The following ATL2 variants were observed in gnomAD, a reference collection of about 807,000 sequenced individuals.
ATL2 encodes atlastin-2.
In ATL2, 31 loss-of-function variants were observed where a neutral mutation model predicts 73.9. That is an observed-to-expected ratio of 0.42 (90% confidence interval 0.32 to 0.57). The LOEUF is 0.57. ATL2 is among the 20% of genes least tolerant of loss of function. ATL2 has a pLI of 0.14. For missense variants in ATL2, 738 were observed against 702.6 expected (o/e 1.05, Z -0.57); for synonymous variants, 291 against 237.5 (o/e 1.23, Z -2.07).
chr2:38,356,774 C>T (rs1670693495), intron 1 of ATL2, among the ~76,000 whole-genome samples: 1 of 152,036 alleles, frequency 6.6e-6, no homozygotes, highest in Non-Finnish European at 1.5e-5. Context: ...TCAGTCACAC[C>T]ATTCAAACTG....
chr2:38,300,779 T>C (rs551007894), intron 9 of ATL2, among the ~76,000 whole-genome samples: 11 of 151,800 alleles, frequency 7.2e-5, no homozygotes, highest in Admixed American at 2.0e-4. Flanking sequence ...GTTTTCCAAG[T>C]GGCTGAAACT....
intron 1 of ATL2, among the ~76,000 whole-genome samples, chr2:38,365,377 G>A (rs1369715470): frequency 6.6e-6 from 1 of 151,670 alleles, no homozygotes; most frequent in African/African-American, 2.4e-5. Flanking sequence ...AGAGAAGGCC[G>A]GGCACAGTGG....
chr2:38,365,507 T>C (rs928452505), intron 1 of ATL2, among the ~76,000 whole-genome samples: 22 of 151,632 alleles, frequency 1.5e-4, no homozygotes, highest in Admixed American at 4.6e-4. Flanking sequence ...ATACAAAAAA[T>C]TGGCCAGGAG....
At chr2:38,339,825 G>A (rs939483157) in intron 2 of ATL2, among the ~76,000 whole-genome samples, 64 of 152,082 alleles carry the variant, frequency 4.2e-4, no homozygotes, top group African/African-American at 1.5e-3. Flanking sequence ...CAAGTAACTG[G>A]GATTACAGGT....
At chr2:38,311,274 T>C (rs1476374589) in intron 7 of ATL2, among the ~76,000 whole-genome samples, 1 of 152,142 alleles carries the variant, frequency 6.6e-6, no homozygotes, top group Non-Finnish European at 1.5e-5. Context: ...TGATTTATGC[T>C]AGTTACCAGA....
At chr2:38,297,961 A>C in intron 12 of ATL2, 183 bp downstream of exon 12, 1 of 623,238 alleles carries the variant, frequency 1.6e-6, no homozygotes, top group Non-Finnish European at 2.7e-6. Context: ...ACCAAAGTAC[A>C]TTAAAATTAT....
At chr2:38,325,177 T>C (rs930218505) in intron 2 of ATL2, among the ~76,000 whole-genome samples, 3 of 152,322 alleles carry the variant, frequency 2.0e-5, no homozygotes, top group Non-Finnish European at 4.4e-5. Flanking sequence ...AGCTTTCTCA[T>C]GTAAAAAGTT....
intron 2 of ATL2, among the ~76,000 whole-genome samples, chr2:38,340,709 T>C (rs1199207101): frequency 6.6e-6 from 1 of 152,182 alleles, no homozygotes; most frequent in Non-Finnish European, 1.5e-5. Flanking sequence ...CCTTCTTTAC[T>C]TTCATCTCAT....
At chr2:38,297,043 T>A (rs187146943) in intron 12 of ATL2, among the ~76,000 whole-genome samples, 1 of 152,330 alleles carries the variant, frequency 6.6e-6, no homozygotes, top group African/African-American at 2.4e-5. Context: ...AAACATCAAG[T>A]AGTGAGATTG....
At chr2:38,377,393 G>GTATC, upstream of ATL2, 1 of 703,048 alleles carries the variant, frequency 1.4e-6, no homozygotes, top group South Asian at 1.9e-5. Flanking sequence ...CCCTCCGCCT[G>GTATC]TATCTCCTCG....
At chr2:38,376,408 G>C in intron 1 of ATL2, 1 of 432,516 alleles carries the variant, frequency 2.3e-6, no homozygotes, top group South Asian at 6.8e-5. Context: ...GACACTTTCA[G>C]AGTGATCAGG....
chr2:38,355,089 C>T (rs1211781753), intron 1 of ATL2, among the ~76,000 whole-genome samples: 1 of 151,224 alleles, frequency 6.6e-6, no homozygotes, highest in Non-Finnish European at 1.5e-5. Context: ...AACGCAGAGA[C>T]TGCCAGACTG....
intron 1 of ATL2, among the ~76,000 whole-genome samples, chr2:38,352,170 A>C (rs904027643): frequency 6.9e-4 from 103 of 149,902 alleles, no homozygotes; most frequent in Non-Finnish European, 8.6e-4. Context: ...ACCACCATAA[A>C]ATCAAGTGGG....
chr2:38,338,430 C>CT (rs1669500923), intron 2 of ATL2, among the ~76,000 whole-genome samples: 1 of 152,128 alleles, frequency 6.6e-6, no homozygotes, highest in South Asian at 2.1e-4. Context: ...AACAAACCTG[C>CT]ACATATAGCC....
At position 38,377,178 on chromosome 2, in the gene ATL2, G is replaced by C; in HGVS notation, c.83C>G (p.Ala28Gly). ...WRRRRTSDPS[A>G]AVNHVSSTTS... ...CGTGGACGAGACGTGGTTAACCGCG[G>C]CGCTTGGGTCGCTGGTCCGTCGCCG... is the stretch of plus-strand genomic sequence containing the variant. The change falls in exon 1 of 13, where the codon GCC becomes GGC. Residue 28 changes from alanine (A) to glycine (G), a missense_variant. Coordinates refer to ENST00000378954, the MANE Select transcript of ATL2 (RefSeq NM_001135673.4). 1 of 1,610,882 alleles carries C rather than the reference G, an allele frequency of 6.2e-7. No homozygotes were observed. Among genetic ancestry groups the C allele is most frequent in the Non-Finnish European group, 8.5e-7 (1 of 1,179,426 alleles).
At chr2:38,319,733 G>A (rs2148438593) in intron 2 of ATL2, among the ~76,000 whole-genome samples, 1 of 152,232 alleles carries the variant, frequency 6.6e-6, no homozygotes, top group South Asian at 2.1e-4. Context: ...GTTCCAGGTA[G>A]AATGACTGTC....
At chr2:38,353,627 A>G (rs1168355456) in intron 1 of ATL2, among the ~76,000 whole-genome samples, 1 of 152,222 alleles carries the variant, frequency 6.6e-6, no homozygotes, top group African/African-American at 2.4e-5. Context: ...AAAGAAAACC[A>G]CATCAGCCAG....
chr2:38,325,556 A>C (rs1668549745), intron 2 of ATL2, among the ~76,000 whole-genome samples: 2 of 151,722 alleles, frequency 1.3e-5, no homozygotes, highest in Admixed American at 1.3e-4. Context: ...ATGACTGACA[A>C]GGGGAGGGGA....
intron 1 of ATL2, among the ~76,000 whole-genome samples, chr2:38,349,924 C>T (rs1338712854): frequency 6.6e-6 from 1 of 152,136 alleles, no homozygotes; most frequent in African/African-American, 2.4e-5. Context: ...TGTGATACAC[C>T]TGCATCTATC....
Sources: gnomAD v4.1 joint callset for allele counts (sites outside exome capture counted in the v4.1 genomes callset) on GRCh38, gnomAD v4.1.1 for gene constraint, MANE v1.5 for transcripts, NCBI Gene and HGNC (gene_info 2026-07-23, HGNC 2026-07-21) for gene names.